Variants in P4HA2 observed in about 807,000 individuals in gnomAD.
The protein encoded by P4HA2 is prolyl 4-hydroxylase subunit alpha-2.
P4HA2 carries 46 observed loss-of-function variants against 76.9 expected under a neutral mutation model. The ratio of observed to expected loss-of-function variants is 0.60; its 90% confidence interval spans 0.47 to 0.76. P4HA2 has a LOEUF of 0.76. P4HA2 is among the 30% of genes least tolerant of loss of function. P4HA2 has a pLI of 0.00. For missense variants in P4HA2, 583 were observed against 669.4 expected (o/e 0.87, Z 1.42); for synonymous variants, 243 against 254.0 (o/e 0.96, Z 0.41).
At chr5:132,203,902 G>T in intron 9 of P4HA2, 55 bp from the exon 10 acceptor site, 1 of 1,356,184 alleles carries the variant, frequency 7.4e-7, no homozygotes, top group Non-Finnish European at 1.1e-6. Flanking sequence ...GCTTCCATGA[G>T]GTCCTGAACT....
chr5:132,207,156 A>C (rs1222571974), intron 8 of P4HA2, among the ~76,000 whole-genome samples: 1 of 152,256 alleles, frequency 6.6e-6, no homozygotes, highest in Non-Finnish European at 1.5e-5. Flanking sequence ...AGTTAAAAAT[A>C]ATAATGAAGA....
chr5:132,218,425 G>A, intron 2 of P4HA2, 120 bp downstream of exon 2: 1 of 653,904 alleles, frequency 1.5e-6, no homozygotes, highest in Non-Finnish European at 2.7e-6. Flanking sequence ...ACTCTCCTCA[G>A]AACTGGCCAA....
Position 132,194,973 on chromosome 5 carries a change from T to G in P4HA2, c.1484A>C (p.Tyr495Ser). ...YNLLRSGEGD[Y>S]RTRHAACPVL... The stretch of plus-strand genomic sequence containing the variant: ...AGGGCAGGCAGCATGTCTTGTTCGG[T>G]AGTCACCTTCCCCGCTCCGCAAGAG... The change falls in exon 14 of 15, where the codon TAC becomes TCC. Residue 495 changes from tyrosine (Y) to serine (S), a missense_variant. Transcript: ENST00000360568. The G allele has an allele frequency of 6.2e-7, 1 of 1,613,928 alleles. No individual in the cohort carries two copies. The highest frequency in any genetic ancestry group is 8.5e-7 in the Non-Finnish European group (1 of 1,179,802).
At chr5:132,215,850 TAAAAAA>T (rs539378974) in intron 4 of P4HA2, among the ~76,000 whole-genome samples, 4 of 81,898 alleles carry the variant, frequency 4.9e-5, no homozygotes, top group African/African-American at 1.0e-4. Flanking sequence ...CCTGTCCCTT[TAAAAAA>T]AAAAAAAAAA....
At chr5:132,202,152 A>C (rs1446285148) in intron 10 of P4HA2, 1 of 152,220 alleles carries the variant, frequency 6.6e-6, no homozygotes, top group Non-Finnish European at 1.5e-5. Context: ...GAAGTCCTCC[A>C]TGGATGTGCT....
chr5:132,218,617 A>G lies in P4HA2; in HGVS notation c.10T>C (p.Trp4Arg). The part of the protein sequence containing the change: MKL[W>R]VSALLMAWFG... ...CAGGCCATCAGCAATGCAGACACCC[A>G]GAGTTTCATGGTCACAGAGGGAAGT... Residue 4 changes from tryptophan (W) to arginine (R), a missense_variant, in exon 2 of 15, where the codon TGG (tryptophan) becomes CGG (arginine). Coordinates refer to ENST00000360568, the MANE Select transcript of P4HA2 (RefSeq NM_001017974.2). 6.2e-7 allele frequency: 1 copy of G among 1,613,526 alleles called. No homozygotes were observed. The highest frequency in any genetic ancestry group is 8.5e-7 in the Non-Finnish European group (1 of 1,179,444).
Position 132,209,119 on chromosome 5 carries a change from G to A in P4HA2, c.903+19C>T, listed in dbSNP as rs1752659894. The A allele has an allele frequency of 6.3e-7, 1 of 1,592,540 alleles. No individual in the cohort carries two copies. Among genetic ancestry groups the A allele is most frequent in the South Asian group, 1.1e-5 (1 of 88,780 alleles). ...CCAGGTCCACAGCTTTGGCACCCTA[G>A]CCCCCTCACACATCTCACCAGTTTG... On this transcript the variant is annotated intron_variant, in intron 7 of 14. Coordinates refer to ENST00000360568, the MANE Select transcript of P4HA2 (RefSeq NM_001017974.2).
chr5:132,207,935 G>A (rs2126578177), intron 7 of P4HA2, 51 bp from the exon 8 acceptor site: 1 of 1,426,138 alleles, frequency 7.0e-7, no homozygotes, highest in Non-Finnish European at 9.4e-7. Flanking sequence ...CTAATCCTCG[G>A]TCCCAGTCTG....
At chr5:132,226,464 ATC>A (rs567288704) in intron 1 of P4HA2, among the ~76,000 whole-genome samples, 70 of 151,728 alleles carry the variant, frequency 4.6e-4, no homozygotes, top group African/African-American at 1.5e-3. Flanking sequence ...CTCCTGCACC[ATC>A]TCTCTTTTTT....
At position 132,194,955 on chromosome 5, in the gene P4HA2, G is replaced by C. The variant is rs1228670572; in HGVS notation, c.1502C>G (p.Ala501Gly). ...GEGDYRTRHAACPVLVGCKWV... is the reference protein window; with the variant it reads ...GEGDYRTRHAGCPVLVGCKWV... ...CTTGCAGCCCACAAGCACAGGGCAG[G>C]CAGCATGTCTTGTTCGGTAGTCACC... Residue 501 changes from alanine to glycine, a missense_variant, in exon 14 of 15, where the codon GCC becomes GGC. Ala to Gly is a moderately conservative substitution (Grantham distance 60, BLOSUM62 0). Transcript: ENST00000360568. 1 of 1,613,074 alleles carries C rather than the reference G, an allele frequency of 6.2e-7. No homozygotes were observed. The highest frequency in any genetic ancestry group is 1.3e-5 in the African/African-American group (1 of 74,900).
chr5:132,192,781 G>T lies in P4HA2; in HGVS notation c.*229C>A. ...TGCTAGGCGCTAGACAGCTAACTCT[G>T]CTGCAGCCACTTTGATCCTAGCCTT... On this transcript the variant is annotated 3_prime_UTR_variant, in exon 15 of 15. Coordinates refer to ENST00000360568, the MANE Select transcript of P4HA2 (RefSeq NM_001017974.2). The T allele has an allele frequency of 1.9e-6, 1 of 522,938 alleles. No individual in the cohort carries two copies. The highest frequency in any genetic ancestry group is 3.4e-6 in the Non-Finnish European group (1 of 292,670). The allele number at this position is 522,938 out of a possible 1,614,324, so 32.4% of individuals were successfully genotyped here. A position where few individuals can be genotyped will look rare whatever the true frequency, so the allele number is the denominator to read the frequency against.
chr5:132,197,267 C>T (rs2126536220), intron 12 of P4HA2, among the ~76,000 whole-genome samples: 1 of 152,296 alleles, frequency 6.6e-6, no homozygotes, highest in South Asian at 2.1e-4. Flanking sequence ...GGGAACCCTC[C>T]AGGGCACCCA....
chr5:132,207,914 CTGAGTGAGT>C, intron 7 of P4HA2, 30 bp from the exon 8 acceptor site: 1 of 1,518,752 alleles, frequency 6.6e-7, no homozygotes, highest in African/African-American at 1.4e-5. Flanking sequence ...AGGCCCTGAG[CTGAGTGAGT>C]CCTAATCCTC....
rs143621388 is a variant in P4HA2 at position 132,210,121 on chromosome 5, G to C, written c.709+163C>G. Among the ~76,000 whole-genome samples, 766 of 152,340 alleles carry C rather than the reference G, an allele frequency of 5.0e-3. 4 individuals carry two copies. Among genetic ancestry groups the C allele is most frequent in the African/African-American group, 0.018 (748 of 41,582 alleles). ...CAGGATTGAGGTGGGTAAGGAGCTA[G>C]TAAGAAGCTGGACTGGTCCTAAAGT... On this transcript the variant is annotated intron_variant, in intron 6 of 14. Coordinates refer to ENST00000360568, the MANE Select transcript of P4HA2 (RefSeq NM_001017974.2).
chr5:132,198,732 C>T (rs575372836), intron 11 of P4HA2, 147 bp downstream of exon 11: 50 of 658,710 alleles, frequency 7.6e-5, no homozygotes, highest in African/African-American at 2.5e-4. Context: ...TCACCAGTAA[C>T]GAAGAGTTTC....
At chr5:132,224,415 T>G (rs570229677) in intron 1 of P4HA2, among the ~76,000 whole-genome samples, 67 of 152,216 alleles carry the variant, frequency 4.4e-4, no homozygotes, top group Non-Finnish European at 9.0e-4. Flanking sequence ...ATAATTTATG[T>G]CAATCATTAG....
At chr5:132,224,897 C>T (rs1468223038) in intron 1 of P4HA2, among the ~76,000 whole-genome samples, 4 of 152,090 alleles carry the variant, frequency 2.6e-5, no homozygotes, top group African/African-American at 9.7e-5. Context: ...CAGATGCTGG[C>T]CTGTTACCAG....
intron 4 of P4HA2, among the ~76,000 whole-genome samples, chr5:132,215,447 G>A (rs1384814965): frequency 6.6e-6 from 1 of 152,234 alleles, no homozygotes; most frequent in Non-Finnish European, 1.5e-5. Context: ...AGAACAGCCT[G>A]TCCCGAGCTG....
At chr5:132,213,283 T>TG (rs1264085820) in intron 5 of P4HA2, among the ~76,000 whole-genome samples, 1 of 151,854 alleles carries the variant, frequency 6.6e-6, no homozygotes, top group East Asian at 1.9e-4. Context: ...TCAGTGACAG[T>TG]GGGGAAAAAG....
Sources: allele counts gnomAD v4.1 joint callset (sites outside exome capture counted in the v4.1 genomes callset), GRCh38; gene constraint gnomAD v4.1.1; transcripts MANE v1.5; gene names NCBI Gene and HGNC (gene_info 2026-07-23, HGNC 2026-07-21).